Variants in NCALD observed in about 807,000 individuals in gnomAD.
NCALD encodes neurocalcin delta.
Under a neutral mutation model 18.6 loss-of-function variants are expected in NCALD, and 10 were observed. The ratio of observed to expected loss-of-function variants is 0.54; its 90% CI spans 0.33 to 0.91. The LOEUF (loss-of-function observed/expected upper bound fraction) is 0.91. NCALD is among the 40% of genes least tolerant of loss of function. The pLI is 0.03. For missense variants in NCALD, 184 were observed against 247.6 expected (o/e 0.74, Z 1.72); for synonymous variants, 88 against 87.4 (o/e 1.01, Z -0.04).
intron 1 of NCALD, among the ~76,000 whole-genome samples, chr8:101,755,621 A>G (rs928806934): frequency 6.6e-6 from 1 of 152,124 alleles, no homozygotes; most frequent in Non-Finnish European, 1.5e-5. Context: ...CGCATCTCAC[A>G]TCCTAAGGCT....
At chr8:101,694,033 G>T (rs1250436739) in intron 2 of NCALD, 3 of 152,176 alleles carry the variant, frequency 2.0e-5, no homozygotes. Flanking sequence ...CTCCACATGG[G>T]ACTCAGTAAG....
intron 2 of NCALD, among the ~76,000 whole-genome samples, chr8:101,952,299 A>C (rs1819458794): frequency 6.6e-6 from 1 of 152,074 alleles, no homozygotes; most frequent in Admixed American, 6.5e-5. Context: ...TCCCTCTCAC[A>C]CCAGACCCCG....
At chr8:101,910,338 T>C (rs1293066640) in intron 3 of NCALD, among the ~76,000 whole-genome samples, 2 of 138,888 alleles carry the variant, frequency 1.4e-5, no homozygotes, top group Non-Finnish European at 3.1e-5. Context: ...GGAGGAGGTA[T>C]GAGGGATGGT....
rs77020925 is a variant in NCALD, at chr8:101,803,519, C to A, written c.-20+83622G>T. 9.1e-3 allele frequency among the ~76,000 whole-genome samples: 1,381 copies of A among 152,272 alleles called. 15 individuals are homozygous for A. The highest frequency in any genetic ancestry group is 0.013 in the Non-Finnish European group (891 of 68,016). On this transcript the variant is annotated intron_variant, in intron 4 of 6. Transcript: ENST00000311028. ...GTCTTATTATTTAAGAAGTGCATTT[C>A]ATAAGACCATAGCTCTTAAAGTATA...
chr8:101,742,471 T>C (rs993150985), intron 1 of NCALD, among the ~76,000 whole-genome samples: 2 of 152,138 alleles, frequency 1.3e-5, no homozygotes, highest in African/African-American at 4.8e-5. Flanking sequence ...TTTTCCATTA[T>C]AAGAAAATTA....
intron 1 of NCALD, among the ~76,000 whole-genome samples, chr8:102,064,305 C>T (rs150846539): frequency 0.014 from 2,067 of 152,262 alleles, 19 homozygotes; most frequent in Middle Eastern, 0.041. Context: ...AACACCCACT[C>T]CCCAACACTG....
chr8:102,101,030 T>A (rs6995092), intron 1 of NCALD, among the ~76,000 whole-genome samples: 13,363 of 152,178 alleles, frequency 0.088, 1,552 homozygotes, highest in African/African-American at 0.27. Context: ...ACTGTACATT[T>A]AAAAATGGTT....
At position 101,723,334 on chromosome 8, in the gene NCALD, T is replaced by C. The variant is rs1244415242; in HGVS notation, c.-19-3686A>G. ...TTACTTTTCAGGTATCAGAGACTTA[T>C]TGCTTTAAGTAGCAAATTACCTAAA... On this transcript the variant is annotated intron_variant, in intron 1 of 3. Transcript: ENST00000220931. Among the ~76,000 whole-genome samples the C allele has an allele frequency of 5.9e-5, 9 of 152,282 alleles. No individual in the cohort carries two copies. In the East Asian group the frequency reaches 9.6e-4, roughly 16 times the overall value.
chr8:101,753,003 A>G (rs960228990), intron 1 of NCALD, among the ~76,000 whole-genome samples: 1 of 150,226 alleles, frequency 6.7e-6, no homozygotes, highest in Non-Finnish European at 1.5e-5. Flanking sequence ...TCAATGCTCA[A>G]TTTCACGTGC....
chr8:101,736,089 C>G (rs753918296), intron 1 of NCALD, among the ~76,000 whole-genome samples: 1 of 152,162 alleles, frequency 6.6e-6, no homozygotes, highest in Non-Finnish European at 1.5e-5. Flanking sequence ...GGCAAGCCCC[C>G]GTTCCTATGC....
chr8:102,028,573 T>C (rs574027006), intron 1 of NCALD, among the ~76,000 whole-genome samples: 8 of 152,318 alleles, frequency 5.3e-5, no homozygotes, highest in South Asian at 2.1e-4. Context: ...CCCTGGGCAG[T>C]GCCATTAGGA....
At chr8:101,823,667 C>G (rs1813813149) in intron 4 of NCALD, among the ~76,000 whole-genome samples, 1 of 151,888 alleles carries the variant, frequency 6.6e-6, no homozygotes, top group African/African-American at 2.4e-5. Flanking sequence ...GATGAGCTCT[C>G]AAAATATTAG....
chr8:101,862,343 G>A (rs933006401), intron 4 of NCALD, among the ~76,000 whole-genome samples: 5 of 152,152 alleles, frequency 3.3e-5, no homozygotes, highest in African/African-American at 7.2e-5. Context: ...GGACTTACAG[G>A]ATTTCCCTCA....
At chr8:101,726,106 A>ATG (rs1816561275) in intron 1 of NCALD, among the ~76,000 whole-genome samples, 1 of 152,148 alleles carries the variant, frequency 6.6e-6, no homozygotes, top group Non-Finnish European at 1.5e-5. Flanking sequence ...AAGATCCAGG[A>ATG]TGTGGCTGGA....
intron 1 of NCALD, among the ~76,000 whole-genome samples, chr8:102,041,677 G>T (rs968814555): frequency 2.0e-5 from 3 of 152,192 alleles, no homozygotes; most frequent in Admixed American, 6.5e-5. Flanking sequence ...GAGCTCAAGA[G>T]AAAGTCAAAG....
chr8:102,015,169 C>G (rs1222817339), intron 2 of NCALD, among the ~76,000 whole-genome samples: 3 of 152,150 alleles, frequency 2.0e-5, no homozygotes, highest in Admixed American at 1.3e-4. Context: ...GCAAACTTCT[C>G]CAGAATGCCC....
intron 4 of NCALD, among the ~76,000 whole-genome samples, chr8:101,829,764 T>C (rs1277912181): frequency 6.6e-6 from 1 of 152,220 alleles, no homozygotes; most frequent in African/African-American, 2.4e-5. Context: ...AAGTATGCTT[T>C]CATACAACTA....
intron 2 of NCALD, among the ~76,000 whole-genome samples, chr8:102,016,437 C>A (rs1822086417): frequency 6.6e-6 from 1 of 152,224 alleles, no homozygotes; most frequent in Non-Finnish European, 1.5e-5. Context: ...CTACTGCTAG[C>A]AGACGAGCAC....
intron 2 of NCALD, among the ~76,000 whole-genome samples, chr8:101,705,025 A>T (rs1563674290): frequency 1.3e-5 from 2 of 151,876 alleles, no homozygotes; most frequent in Admixed American, 1.3e-4. Context: ...GGAGTTCGAG[A>T]CGACCAGCCT....
Sources: gnomAD v4.1 joint callset for allele counts (sites outside exome capture counted in the v4.1 genomes callset) on GRCh38, gnomAD v4.1.1 for gene constraint, MANE v1.5 for transcripts, NCBI Gene and HGNC (gene_info 2026-07-23, HGNC 2026-07-21) for gene names.